The following RABGAP1L variants were observed in gnomAD, a reference collection of about 807,000 sequenced individuals.
RABGAP1L encodes RAB GTPase activating protein 1 like.
In RABGAP1L, 63 loss-of-function variants were observed where a neutral mutation model predicts 137.7. The observed-to-expected ratio is 0.46, with a 90% CI of 0.37 to 0.56. The LOEUF (loss-of-function observed/expected upper bound fraction) is 0.56, where lower values mean the gene tolerates loss of function less well. Ranked by LOEUF, RABGAP1L falls within the 20% of genes least tolerant of loss-of-function variation. The probability of loss-of-function intolerance (pLI) is 0.00; values close to 1 mark genes in which losing one functional copy is unlikely to be tolerated. For synonymous variants in RABGAP1L, 431 were observed against 433.7 expected (o/e 0.99, Z 0.08); for missense variants, 1,095 against 1,244.0 (o/e 0.88, Z 1.80).
At chr1:174,239,134 C>G (rs12091157) in intron 4 of RABGAP1L, among the ~76,000 whole-genome samples, 44,642 of 151,984 alleles carry the variant, frequency 0.29, 6,984 homozygotes, top group African/African-American at 0.37. Flanking sequence ...GCTCGCGCAC[C>G]GTGCGCGCAC....
intron 14 of RABGAP1L, among the ~76,000 whole-genome samples, chr1:174,655,642 C>T (rs1408009384): frequency 6.6e-6 from 1 of 152,120 alleles, no homozygotes; most frequent in Non-Finnish European, 1.5e-5. Context: ...TGTAGAGATA[C>T]TTCATAACTA....
At chr1:174,929,025 T>C (rs1163268362) in intron 19 of RABGAP1L, among the ~76,000 whole-genome samples, 1 of 151,870 alleles carries the variant, frequency 6.6e-6, no homozygotes, top group Non-Finnish European at 1.5e-5. Context: ...ATGATAACAC[T>C]TGGACACAGG....
intron 11 of RABGAP1L, among the ~76,000 whole-genome samples, chr1:174,341,353 A>C (rs772011140): frequency 6.6e-6 from 1 of 152,202 alleles, no homozygotes; most frequent in Non-Finnish European, 1.5e-5. Flanking sequence ...AAAGATGAAG[A>C]TTAAAATTAA....
intron 19 of RABGAP1L, among the ~76,000 whole-genome samples, chr1:174,859,110 C>T (rs893515648): frequency 1.5e-4 from 23 of 152,080 alleles, no homozygotes; most frequent in Non-Finnish European, 2.5e-4. Flanking sequence ...CACATGCATG[C>T]GTATATTCAT....
At position 174,781,582 on chromosome 1, in the gene RABGAP1L, C is replaced by T. The variant is rs535359943; in HGVS notation, c.2211+29228C>T. ...GCTCTTTAGTTTAATTAGATCCCAT[C>T]TGTCAATTTTGGCTTTTGTTGCCAT... On this transcript the variant is annotated intron_variant, in intron 18 of 25. Coordinates refer to ENST00000681986, the MANE Select transcript of RABGAP1L (RefSeq NM_001366446.1). Among the ~76,000 whole-genome samples the T allele has an allele frequency of 9.6e-3, 1,455 of 152,200 alleles. 25 individuals are homozygous for T. The highest frequency in any genetic ancestry group is 0.033 in the African/African-American group (1,385 of 41,522).
intron 13 of RABGAP1L, among the ~76,000 whole-genome samples, chr1:174,433,202 A>C (rs959754727): frequency 3.1e-4 from 47 of 152,196 alleles, no homozygotes; most frequent in African/African-American, 1.1e-3. Context: ...ATGCCAACCC[A>C]AATCTGTCTG....
At chr1:174,681,698 A>T (rs1417335240) in intron 14 of RABGAP1L, among the ~76,000 whole-genome samples, 1 of 152,112 alleles carries the variant, frequency 6.6e-6, no homozygotes, top group East Asian at 1.9e-4. Flanking sequence ...TAAACCATAC[A>T]TCAATAAAGT....
chr1:174,252,029 TG>T (rs1436802203), intron 6 of RABGAP1L, among the ~76,000 whole-genome samples: 1 of 152,042 alleles, frequency 6.6e-6, no homozygotes, highest in Non-Finnish European at 1.5e-5. Flanking sequence ...CCCCAGTAGC[TG>T]GGACTACAAG....
At chr1:174,763,806 C>T (rs573694033) in intron 18 of RABGAP1L, among the ~76,000 whole-genome samples, 47 of 145,464 alleles carry the variant, frequency 3.2e-4, no homozygotes, top group Non-Finnish European at 4.9e-4. Context: ...CCACTGCACT[C>T]CAGCCTGGGC....
intron 11 of RABGAP1L, among the ~76,000 whole-genome samples, chr1:174,336,853 A>G (rs1681515333): frequency 6.8e-6 from 1 of 146,470 alleles, no homozygotes; most frequent in East Asian, 2.0e-4. Flanking sequence ...GTGTTTATAA[A>G]TGTGTGTGTG....
At chr1:174,417,672 C>T (rs1488417302) in intron 13 of RABGAP1L, among the ~76,000 whole-genome samples, 1 of 152,110 alleles carries the variant, frequency 6.6e-6, no homozygotes, top group African/African-American at 2.4e-5. Flanking sequence ...CTATAACTTA[C>T]TCAAATATTC....
At chr1:174,241,945 A>G (rs1251871667) in intron 5 of RABGAP1L, among the ~76,000 whole-genome samples, 1 of 152,118 alleles carries the variant, frequency 6.6e-6, no homozygotes. Context: ...AAGGGAGACT[A>G]TTTTTGCAGC....
rs891735412 is a variant in RABGAP1L at position 174,237,965 on chromosome 1, C to A, written c.543-3518C>A. Among the ~76,000 whole-genome samples, 3 of 150,678 alleles carry A rather than the reference C, an allele frequency of 2.0e-5. No homozygotes were observed. The East Asian group carries it at 5.9e-4, about 30-fold the overall frequency. On this transcript the variant is annotated intron_variant, in intron 4 of 25. Coordinates refer to ENST00000681986, the MANE Select transcript of RABGAP1L (RefSeq NM_001366446.1). Reference sequence around the variant, plus strand: ...TCCCATATTTCTTGGAGGCTTTGCTCATTTCTTTTTATTCTTTTTTCTCTA... The same window carrying A: ...TCCCATATTTCTTGGAGGCTTTGCTAATTTCTTTTTATTCTTTTTTCTCTA...
intron 17 of RABGAP1L, among the ~76,000 whole-genome samples, chr1:174,747,176 A>G (rs1383486569): frequency 6.6e-6 from 1 of 152,080 alleles, no homozygotes; most frequent in Non-Finnish European, 1.5e-5. Context: ...GCCAAGGCAG[A>G]AGGATCACTT....
At chr1:174,678,836 T>C (rs1677840566) in intron 14 of RABGAP1L, among the ~76,000 whole-genome samples, 1 of 152,172 alleles carries the variant, frequency 6.6e-6, no homozygotes, top group Admixed American at 6.5e-5. Context: ...CTAGCCCAAT[T>C]GGGAGCGGCA....
intron 13 of RABGAP1L, among the ~76,000 whole-genome samples, chr1:174,613,934 T>A (rs1399552282): frequency 6.6e-6 from 1 of 152,158 alleles, no homozygotes; most frequent in Non-Finnish European, 1.5e-5. Flanking sequence ...ATCCCTTTAT[T>A]TTGAGCCTAT....
At chr1:174,598,899 A>G (rs115190629) in intron 13 of RABGAP1L, among the ~76,000 whole-genome samples, 1 of 152,004 alleles carries the variant, frequency 6.6e-6, no homozygotes, top group African/African-American at 2.4e-5. Flanking sequence ...TAGTTCACTT[A>G]CATTCAATAT....
chr1:174,626,666 A>T (rs1371763292), intron 13 of RABGAP1L, among the ~76,000 whole-genome samples: 2 of 151,704 alleles, frequency 1.3e-5, no homozygotes, highest in African/African-American at 4.8e-5. Flanking sequence ...GACTCCCCCC[A>T]CCCCATATTC....
intron 19 of RABGAP1L, among the ~76,000 whole-genome samples, chr1:174,925,548 T>G (rs1310117012): frequency 6.6e-6 from 1 of 151,912 alleles, no homozygotes; most frequent in Non-Finnish European, 1.5e-5. Flanking sequence ...AGGGGAGGGC[T>G]TTGTAGGCCA....
Sources: allele counts gnomAD v4.1 joint callset (sites outside exome capture counted in the v4.1 genomes callset), GRCh38; gene constraint gnomAD v4.1.1; transcripts MANE v1.5; gene names NCBI Gene and HGNC (gene_info 2026-07-23, HGNC 2026-07-21).